DLEC1: variants seen among roughly 807,000 people sequenced by gnomAD.
DLEC1 encodes deleted in lung and esophageal cancer protein 1.
A neutral mutation model predicts 198.1 loss-of-function variants in DLEC1; 146 were observed. The observed-to-expected ratio is 0.74, with a 90% CI of 0.64 to 0.85. DLEC1 has a LOEUF of 0.85. Ranked by LOEUF, DLEC1 falls within the 40% of genes least tolerant of loss-of-function variation. DLEC1 has a pLI of 0.00. For missense variants in DLEC1, 2,233 were observed against 2,220.0 expected, an observed-to-expected ratio of 1.01 and a Z score of -0.12; for synonymous variants, 897 against 866.8, an observed-to-expected ratio of 1.03 and a Z score of -0.61.
intron 6 of DLEC1, among the ~76,000 whole-genome samples, chr3:38,064,940 G>C (rs778268236): frequency 2.0e-5 from 3 of 152,174 alleles, no homozygotes; most frequent in African/African-American, 7.2e-5. Flanking sequence ...ATGGGGTGGC[G>C]GCCGGGCAGA....
At chr3:38,076,301 C>T (rs569142384) in intron 6 of DLEC1, among the ~76,000 whole-genome samples, 62 of 151,826 alleles carry the variant, frequency 4.1e-4, no homozygotes, top group East Asian at 1.9e-3. Context: ...CATGTGCGTC[C>T]GTGTGAAGAG....
At chr3:38,104,014 T>C (rs1401380941) in intron 19 of DLEC1, among the ~76,000 whole-genome samples, 1 of 152,118 alleles carries the variant, frequency 6.6e-6, no homozygotes, top group Non-Finnish European at 1.5e-5. Flanking sequence ...GGACATGCAA[T>C]TGGAAAAATG....
chr3:38,079,041 G>A (rs1262803639), intron 6 of DLEC1, among the ~76,000 whole-genome samples: 3 of 152,122 alleles, frequency 2.0e-5, no homozygotes, highest in Non-Finnish European at 4.4e-5. Flanking sequence ...CGGGGTAAGG[G>A]TGATTAGGTT....
chr3:38,064,789 G>A (rs1696918805), intron 6 of DLEC1, among the ~76,000 whole-genome samples: 1 of 151,534 alleles, frequency 6.6e-6, no homozygotes, highest in African/African-American at 2.4e-5. Context: ...TGGGCGGCCG[G>A]GCAGAGACGC....
chr3:38,070,969 C>G (rs1247062466), intron 6 of DLEC1, among the ~76,000 whole-genome samples: 1 of 151,966 alleles, frequency 6.6e-6, no homozygotes, highest in Non-Finnish European at 1.5e-5. Flanking sequence ...AAAAATGAAA[C>G]AAAATAGTGT....
intron 5 of DLEC1, among the ~76,000 whole-genome samples, chr3:38,063,359 A>G (rs897422681): frequency 3.9e-5 from 6 of 152,250 alleles, no homozygotes; most frequent in African/African-American, 9.6e-5. Context: ...GCCACTTGGG[A>G]GGCGGAAGTG....
chr3:38,058,651 C>T (rs562885249), intron 2 of DLEC1, among the ~76,000 whole-genome samples: 1 of 152,214 alleles, frequency 6.6e-6, no homozygotes, highest in South Asian at 2.1e-4. Flanking sequence ...AAGCCTCCAC[C>T]TGTACATTAT....
chr3:38,045,901 C>T (rs1017849798), intron 2 of DLEC1, among the ~76,000 whole-genome samples: 5 of 152,216 alleles, frequency 3.3e-5, no homozygotes, highest in Admixed American at 6.5e-5. Flanking sequence ...CGCTCTCCTA[C>T]ATAACCAGCA....
intron 8 of DLEC1, 119 bp from the exon 9 acceptor site, chr3:38,086,122 G>A (rs35036369): frequency 7.2e-7 from 1 of 1,386,726 alleles, no homozygotes; most frequent in Non-Finnish European, 9.8e-7. Flanking sequence ...TCTCTGCATA[G>A]GGTGCTGGGC....
intron 6 of DLEC1, among the ~76,000 whole-genome samples, chr3:38,082,359 C>A (rs2125662826): frequency 6.7e-6 from 1 of 148,786 alleles, no homozygotes; most frequent in South Asian, 2.2e-4. Flanking sequence ...CGATGGGCGG[C>A]CAGGCAGAGA....
intron 1 of DLEC1, among the ~76,000 whole-genome samples, chr3:38,042,807 G>A (rs1300032520): frequency 4.0e-5 from 6 of 151,892 alleles, no homozygotes; most frequent in African/African-American, 1.2e-4. Flanking sequence ...CACCCGCCTC[G>A]GCCTCCCAAA....
intron 21 of DLEC1, among the ~76,000 whole-genome samples, chr3:38,108,786 C>A (rs73827603): frequency 7.2e-5 from 11 of 152,232 alleles, no homozygotes; most frequent in Non-Finnish European, 1.6e-4. Flanking sequence ...CTCCCCAGGC[C>A]ATTCTCTGTG....
intron 2 of DLEC1, among the ~76,000 whole-genome samples, chr3:38,054,276 T>C (rs1302827358): frequency 6.6e-6 from 1 of 152,144 alleles, no homozygotes; most frequent in Non-Finnish European, 1.5e-5. Context: ...TGGTGGCAGC[T>C]GCGTGATCTG....
At chr3:38,115,178 C>A in intron 27 of DLEC1, 125 bp downstream of exon 27, 1 of 1,024,260 alleles carries the variant, frequency 9.8e-7, no homozygotes, top group South Asian at 1.5e-5. Flanking sequence ...TCCAGGGGGC[C>A]TGTGGTTACG....
Position 38,047,181 on chromosome 3 carries a change from C to G in DLEC1, c.562+1488C>G, listed in dbSNP as rs1285202390. On this transcript the variant is annotated intron_variant, in intron 2 of 36. Transcript: ENST00000308059. The stretch of plus-strand genomic sequence containing the variant: ...TCTCAGATTACACCAATATCTTGTT[C>G]CTCATCAAAGCTCCATCGCCATACC... Among the ~76,000 whole-genome samples, 8 of 152,300 alleles carry G rather than the reference C, an allele frequency of 5.3e-5. No homozygotes were observed. In the East Asian group the frequency reaches 1.5e-3, roughly 29 times the overall value.
Position 38,062,368 on chromosome 3 carries a change from G to A in DLEC1, c.873G>A (p.Lys291=), listed in dbSNP as rs765922410. The change falls in exon 4 of 37, where the codon AAG becomes AAA. Residue 291 remains lysine, a splice_region_variant and synonymous_variant. Coordinates refer to ENST00000308059, the MANE Select transcript of DLEC1 (RefSeq NM_007335.4). ...KAKERTREPL[K]KASQPRNKNW... is the part of the protein sequence containing the mutation. ...AAGAAAGGACCAGAGAACCTCTCAA[G>A]GTCAGTTTGGAAGGCTGTGCAGAGC... is the stretch of plus-strand genomic sequence containing the variant. The A allele has an allele frequency of 3.1e-6, 5 of 1,614,170 alleles. No homozygotes were observed. In the East Asian group the frequency reaches 1.1e-4, roughly 36 times the overall value.
At chr3:38,061,360 T>G (rs1328512436) in intron 3 of DLEC1, among the ~76,000 whole-genome samples, 2 of 152,050 alleles carry the variant, frequency 1.3e-5, no homozygotes, top group Admixed American at 6.6e-5. Flanking sequence ...TTTGTATTTT[T>G]AGTAGAGACA....
Position 38,085,807 on chromosome 3 carries a change from C to T in DLEC1, c.1435+360C>T, listed in dbSNP as rs75140206. On this transcript the variant is annotated intron_variant, in intron 8 of 36. Transcript: ENST00000308059. ...ACCCTGAGGAGTCCTAACAGGTCGT[C>T]GTTGTCCTCGTGGCTGTGGGGGTAG... Among the ~76,000 whole-genome samples, 47 of 152,222 alleles carry T rather than the reference C, an allele frequency of 3.1e-4. No homozygotes were observed. In the South Asian group the frequency reaches 8.7e-3, roughly 28 times the overall value.
chr3:38,111,839 G>A lies in DLEC1; in HGVS notation c.3514+92G>A, dbSNP rs1699899114. 21 of 1,421,162 alleles carry A rather than the reference G, an allele frequency of 1.5e-5. No homozygotes were observed. The South Asian group carries it at 2.4e-4, about 16-fold the overall frequency. 88.0% of individuals were successfully genotyped at this position (1,421,162 alleles called of 1,614,324 possible). ...TGGGCTGGCAGCTGCCAGGGAGCGG[G>A]ACCAGGACCAGAGACTGCTCTCAGA... On this transcript the variant is annotated intron_variant, in intron 24 of 36. Coordinates refer to ENST00000308059, the MANE Select transcript of DLEC1 (RefSeq NM_007335.4).
Sources: gnomAD v4.1 joint callset for allele counts (sites outside exome capture counted in the v4.1 genomes callset) on GRCh38, gnomAD v4.1.1 for gene constraint, MANE v1.5 for transcripts, NCBI Gene and HGNC (gene_info 2026-07-23, HGNC 2026-07-21) for gene names.